The following ULK4 variants were observed in gnomAD, a reference collection of about 807,000 sequenced individuals.
ULK4 encodes the protein unc-51 like kinase 4.
In ULK4, 133 loss-of-function variants were observed where a neutral mutation model predicts 160.6. The observed-to-expected ratio is 0.83, with a 90% CI of 0.72 to 0.96. ULK4 has a LOEUF of 0.96. Ranked by LOEUF, ULK4 falls within the 40% of genes least tolerant of loss-of-function variation. ULK4 has a pLI of 0.00. For missense variants in ULK4, 1,580 were observed against 1,499.5 expected (o/e 1.05, Z -0.89); for synonymous variants, 534 against 539.8 (o/e 0.99, Z 0.15).
intron 31 of ULK4, among the ~76,000 whole-genome samples, chr3:41,615,340 G>C (rs2032908289): frequency 6.6e-6 from 1 of 152,158 alleles, no homozygotes; most frequent in Admixed American, 6.5e-5. Context: ...CTGAAGTGTA[G>C]CAATAATCAT....
chr3:41,895,669 G>C, intron 15 of ULK4, 105 bp from the exon 16 acceptor site: 1 of 548,516 alleles, frequency 1.8e-6, no homozygotes, highest in Non-Finnish European at 3.0e-6. Flanking sequence ...TTTATACAAA[G>C]GAAATTTACA....
In ULK4 at chr3:41,602,415, A is replaced by G. The variant is rs575890943; in HGVS notation, c.3120+13254T>C. Reference sequence around the variant, plus strand: ...ATTGGAAGGGGGAAGGGAAGGGGAAAGGAAGGAGAAAGAAAAAAGAGAAAA... The same window carrying G: ...ATTGGAAGGGGGAAGGGAAGGGGAAGGGAAGGAGAAAGAAAAAAGAGAAAA... On this transcript the variant is annotated intron_variant, in intron 31 of 36. Transcript: ENST00000301831. 2.6e-5 allele frequency among the ~76,000 whole-genome samples: 4 copies of G among 151,876 alleles called. No homozygotes were observed. In the South Asian group the frequency reaches 8.3e-4, roughly 32 times the overall value.
At chr3:41,795,598 C>T (rs753961209) in intron 20 of ULK4, among the ~76,000 whole-genome samples, 29 of 152,342 alleles carry the variant, frequency 1.9e-4, no homozygotes, top group Non-Finnish European at 3.7e-4. Flanking sequence ...GCAAAATGTG[C>T]TGCTTTAAAC....
intron 25 of ULK4, among the ~76,000 whole-genome samples, chr3:41,706,889 G>GTGTGTGTGTGTGTA (rs1361024477): frequency 8.6e-6 from 1 of 115,664 alleles, no homozygotes; most frequent in Non-Finnish European, 1.8e-5. Context: ...GTGTGTGTGT[G>GTGTGTGTGTGTGTA]TATATATATA....
intron 12 of ULK4, 66 bp downstream of exon 12, chr3:41,907,779 A>T (rs575184872): frequency 1.2e-5 from 12 of 1,024,854 alleles, no homozygotes; most frequent in African/African-American, 1.7e-5. Context: ...TTCATTTACC[A>T]ACTTACAATT....
intron 31 of ULK4, among the ~76,000 whole-genome samples, chr3:41,599,768 C>A (rs1394900041): frequency 1.3e-5 from 2 of 151,800 alleles, no homozygotes; most frequent in Admixed American, 1.3e-4. Flanking sequence ...TTTCACCATG[C>A]TGGCCAGGCT....
intron 17 of ULK4, among the ~76,000 whole-genome samples, chr3:41,871,903 TTATC>T (rs1373392988): frequency 2.6e-5 from 4 of 152,220 alleles, no homozygotes; most frequent in East Asian, 1.9e-4. Context: ...TAAAATCTCT[TTATC>T]TAAGTCAGGG....
chr3:41,338,804 T>C (rs12631726), intron 35 of ULK4, among the ~76,000 whole-genome samples: 7,098 of 151,976 alleles, frequency 0.047, 429 homozygotes, highest in East Asian at 0.19. Flanking sequence ...TCAGATGTTA[T>C]AGATTCCAGT....
At chr3:41,892,922 G>A (rs1356552233) in intron 16 of ULK4, among the ~76,000 whole-genome samples, 1 of 152,158 alleles carries the variant, frequency 6.6e-6, no homozygotes, top group South Asian at 2.1e-4. Flanking sequence ...GTCAGTTGAG[G>A]AGACAAATTT....
intron 34 of ULK4, among the ~76,000 whole-genome samples, chr3:41,417,611 G>C (rs9853190): frequency 0.19 from 28,413 of 151,988 alleles, 2,831 homozygotes; most frequent in African/African-American, 0.22. Flanking sequence ...GCAAACCCTG[G>C]GTGCCTGTTA....
rs187242087 is a variant in ULK4, at chr3:41,949,135, C to T, written c.138+5487G>A. The stretch of plus-strand genomic sequence containing the variant: ...CAGCCTGGCCAACATGGTGAAACCC[C>T]GTCTCTACTAAAAATACAAAAAAAT... On this transcript the variant is annotated intron_variant, in intron 2 of 36. Transcript: ENST00000301831. Among the ~76,000 whole-genome samples the T allele has an allele frequency of 1.8e-3, 278 of 151,684 alleles. 3 individuals carry two copies. The highest frequency in any genetic ancestry group is 0.017 in the Middle Eastern group (5 of 294).
At chr3:41,829,018 C>A (rs1455218070) in intron 18 of ULK4, among the ~76,000 whole-genome samples, 82 of 137,220 alleles carry the variant, frequency 6.0e-4, no homozygotes, top group African/African-American at 6.3e-4. Flanking sequence ...TGATCTTTGA[C>A]AAACCTGACA....
chr3:41,375,518 A>G (rs1214675809), intron 35 of ULK4, among the ~76,000 whole-genome samples: 3 of 150,210 alleles, frequency 2.0e-5, no homozygotes, highest in Non-Finnish European at 4.4e-5. Context: ...TGACAAAAAC[A>G]AGCAATGGGC....
intron 21 of ULK4, among the ~76,000 whole-genome samples, chr3:41,757,817 C>A (rs1393700308): frequency 6.6e-6 from 1 of 151,622 alleles, no homozygotes; most frequent in Non-Finnish European, 1.5e-5. Flanking sequence ...TTAGTAGAGA[C>A]AGATTTTTAC....
At chr3:41,353,642 T>C (rs972286979) in intron 35 of ULK4, among the ~76,000 whole-genome samples, 10 of 151,614 alleles carry the variant, frequency 6.6e-5, no homozygotes, top group African/African-American at 2.4e-4. Flanking sequence ...CACTCCAGAC[T>C]GGGTAATGGA....
At chr3:41,642,371 G>T (rs1195999141) in intron 30 of ULK4, among the ~76,000 whole-genome samples, 2 of 151,970 alleles carry the variant, frequency 1.3e-5, no homozygotes, top group Non-Finnish European at 2.9e-5. Context: ...CCCAGAGAGT[G>T]ATGTTCCCCT....
At chr3:41,344,687 A>C (rs1360021475) in intron 35 of ULK4, among the ~76,000 whole-genome samples, 1 of 148,088 alleles carries the variant, frequency 6.8e-6, no homozygotes, top group African/African-American at 2.5e-5. Context: ...CGGGGGGCAA[A>C]GGTTGCAGTG....
At chr3:41,924,796 T>C (rs1006015553) in intron 5 of ULK4, among the ~76,000 whole-genome samples, 13 of 152,082 alleles carry the variant, frequency 8.5e-5, no homozygotes, top group Non-Finnish European at 1.3e-4. Flanking sequence ...AACCTGCTGC[T>C]CTCCATCCTC....
intron 32 of ULK4, among the ~76,000 whole-genome samples, chr3:41,555,240 C>T (rs2087244983): frequency 6.7e-6 from 1 of 150,256 alleles, no homozygotes; most frequent in Non-Finnish European, 1.5e-5. Context: ...AATAAAAATG[C>T]AAAAGTACAA....
Sources: gnomAD v4.1 joint callset for allele counts (sites outside exome capture counted in the v4.1 genomes callset) on GRCh38, gnomAD v4.1.1 for gene constraint, MANE v1.5 for transcripts, NCBI Gene and HGNC (gene_info 2026-07-23, HGNC 2026-07-21) for gene names.